Variants in FAF1 observed in about 807,000 individuals in gnomAD.
FAF1 encodes the protein Fas associated factor 1, also known as FAS-associated factor 1.
FAF1 carries 25 observed loss-of-function variants against 92.5 expected under a neutral mutation model. The observed-to-expected ratio is 0.27, with a 90% confidence interval of 0.20 to 0.38. FAF1 has a LOEUF of 0.38. Among genes scored for constraint, FAF1 ranks in the 10% least tolerant of loss-of-function variants. The pLI, the probability that FAF1 is intolerant of heterozygous loss-of-function variation, is 1.00. For missense variants in FAF1, 636 were observed against 793.3 expected (o/e 0.80, Z 2.38); for synonymous variants, 234 against 273.2 (o/e 0.86, Z 1.42).
intron 15 of FAF1, among the ~76,000 whole-genome samples, chr1:50,500,187 C>T (rs983335711): frequency 6.6e-6 from 1 of 151,920 alleles, no homozygotes; most frequent in Non-Finnish European, 1.5e-5. Flanking sequence ...TGCACAGGAC[C>T]TACAATAGCC....
chr1:50,788,010 G>A lies in FAF1; in HGVS notation c.357C>T (p.Thr119=). 1 of 1,613,210 alleles carries A rather than the reference G, an allele frequency of 6.2e-7. No homozygotes were observed. Among genetic ancestry groups the A allele is most frequent in the Non-Finnish European group, 8.5e-7 (1 of 1,179,258 alleles). Residue 119 remains threonine, a synonymous_variant, in exon 4 of 19, where the codon ACC becomes ACT. Coordinates refer to ENST00000396153, the MANE Select transcript of FAF1 (RefSeq NM_007051.3). ...CAGGAAAAACCTTACCAACAGTACAGGTGTCTTCAAGTACCACATCAACAT... is the reference window on the plus strand; with the variant it reads ...CAGGAAAAACCTTACCAACAGTACAAGTGTCTTCAAGTACCACATCAACAT... The part of the protein sequence containing the change: ...DRNVDVVLED[T]CTVGEIKQIL...
intron 7 of FAF1, among the ~76,000 whole-genome samples, chr1:50,666,772 A>T (rs1199562148): frequency 1.3e-5 from 2 of 152,172 alleles, no homozygotes; most frequent in East Asian, 1.9e-4. Context: ...AATCCCAGCT[A>T]CTCGGGAGGC....
intron 8 of FAF1, among the ~76,000 whole-genome samples, chr1:50,596,567 A>G (rs1229501180): frequency 6.6e-6 from 1 of 152,200 alleles, no homozygotes; most frequent in Non-Finnish European, 1.5e-5. Context: ...CTAACTCCGA[A>G]GGCAGTAGGG....
chr1:50,906,796 T>C (rs978858997), intron 1 of FAF1, among the ~76,000 whole-genome samples: 1 of 152,198 alleles, frequency 6.6e-6, no homozygotes, highest in Admixed American at 6.5e-5. Flanking sequence ...CGATGGGGTT[T>C]TCTAAATACA....
intron 9 of FAF1, among the ~76,000 whole-genome samples, chr1:50,585,570 T>C (rs1651187074): frequency 6.6e-6 from 1 of 152,190 alleles, no homozygotes; most frequent in African/African-American, 2.4e-5. Flanking sequence ...ATAAAACTTT[T>C]GGACTGGGCT....
chr1:50,737,398 T>A (rs1659187223), intron 6 of FAF1, among the ~76,000 whole-genome samples: 1 of 152,216 alleles, frequency 6.6e-6, no homozygotes, highest in South Asian at 2.1e-4. Context: ...CTGTCTGCTT[T>A]TAATTATGTG....
intron 1 of FAF1, among the ~76,000 whole-genome samples, chr1:50,887,504 T>G (rs1644677654): frequency 6.6e-6 from 1 of 152,190 alleles, no homozygotes; most frequent in Non-Finnish European, 1.5e-5. Flanking sequence ...GTTTTTATGG[T>G]TTTAGGTCTA....
At chr1:50,468,751 G>A (rs568025098) in intron 18 of FAF1, among the ~76,000 whole-genome samples, 50 of 151,854 alleles carry the variant, frequency 3.3e-4, no homozygotes, top group Non-Finnish European at 6.6e-4. Context: ...GAGCCACCAC[G>A]CCCGGCCTAA....
intron 1 of FAF1, among the ~76,000 whole-genome samples, chr1:50,951,306 C>G (rs1221245489): frequency 2.6e-5 from 4 of 152,220 alleles, no homozygotes; most frequent in African/African-American, 9.6e-5. Context: ...TTTTCTGGGT[C>G]TCAATTTCCA....
intron 1 of FAF1, among the ~76,000 whole-genome samples, chr1:50,871,401 G>C (rs915858590): frequency 1.3e-5 from 2 of 152,224 alleles, no homozygotes; most frequent in African/African-American, 4.8e-5. Context: ...CAGCAAAAGA[G>C]AAGTCAATGC....
At chr1:50,549,518 G>A (rs1458679652) in intron 13 of FAF1, among the ~76,000 whole-genome samples, 1 of 152,010 alleles carries the variant, frequency 6.6e-6, no homozygotes, top group Admixed American at 6.5e-5. Context: ...GGTGGCTCAC[G>A]ACTGTACTCC....
At chr1:50,860,246 T>C (rs1031430935) in intron 1 of FAF1, among the ~76,000 whole-genome samples, 4 of 151,860 alleles carry the variant, frequency 2.6e-5, no homozygotes, top group Admixed American at 6.6e-5. Flanking sequence ...AAAACCAAAA[T>C]TGACAAGTTA....
chr1:50,644,619 C>G (rs564628074), intron 8 of FAF1, among the ~76,000 whole-genome samples: 1 of 152,328 alleles, frequency 6.6e-6, no homozygotes, highest in South Asian at 2.1e-4. Context: ...TTTACTTTCC[C>G]TTTCCTGCTA....
At chr1:50,755,011 G>A (rs765700075) in intron 4 of FAF1, among the ~76,000 whole-genome samples, 19 of 152,034 alleles carry the variant, frequency 1.2e-4, no homozygotes, top group Non-Finnish European at 2.6e-4. Context: ...ATGAGATTTG[G>A]GTGGGGACAC....
intron 4 of FAF1, among the ~76,000 whole-genome samples, chr1:50,757,677 G>A (rs543766571): frequency 4.6e-5 from 7 of 151,682 alleles, no homozygotes; most frequent in Non-Finnish European, 8.8e-5. Flanking sequence ...TCATACAAAC[G>A]GGTTTCCCTT....
chr1:50,755,943 C>G (rs12076316), intron 4 of FAF1, among the ~76,000 whole-genome samples: 14 of 152,158 alleles, frequency 9.2e-5, no homozygotes, highest in Non-Finnish European at 1.5e-5. Context: ...GTCCAGCCCA[C>G]GAAACCACTT....
rs1432385982 is a variant in FAF1 at position 50,582,533 on chromosome 1, CAG to C, written c.1113+83_1113+84del. The C allele has an allele frequency of 3.5e-6, 3 of 861,620 alleles. No homozygotes were observed. The Admixed American group carries it at 6.7e-5, about 19-fold the overall frequency. 53.4% of individuals were successfully genotyped at this position (861,620 alleles called of 1,614,324 possible). On this transcript the variant is annotated intron_variant, in intron 12 of 18. Coordinates refer to ENST00000396153, the MANE Select transcript of FAF1 (RefSeq NM_007051.3). ...TTTTGGAAAAAAACAAAAACAAAAA[CAG>C]AAAACATTTAAGCATTGCCTCAGCC...
At position 50,596,150 on chromosome 1, in the gene FAF1, G is replaced by T; in HGVS notation, c.811C>A (p.Pro271Thr). 6.2e-7 allele frequency: 1 copy of T among 1,613,902 alleles called. No individual in the cohort carries two copies. Among genetic ancestry groups the T allele is most frequent in the South Asian group, 1.1e-5 (1 of 91,062 alleles). ...TCCGACTGTTCCCGGGTCTGTGCAG[G>T]TGAAGATCTTCTTCCCACTGTAAGT... is the stretch of plus-strand genomic sequence containing the variant. The part of the protein sequence containing the change: ...HRLTVGRRSS[P>T]AQTREQSEEQ... The change falls in exon 9 of 19, where the codon CCT becomes ACT. Residue 271 changes from proline (P) to threonine (T), a missense_variant. Physicochemically the swap from Pro to Thr is conservative, Grantham distance 38. This residue lies in a region of FAF1 where 317 missense variants were observed against 342.4 expected (regional missense o/e 0.93). Coordinates refer to ENST00000396153, the MANE Select transcript of FAF1 (RefSeq NM_007051.3).
intron 18 of FAF1, among the ~76,000 whole-genome samples, chr1:50,473,411 A>G (rs1000868722): frequency 6.6e-6 from 1 of 152,190 alleles, no homozygotes; most frequent in African/African-American, 2.4e-5. Context: ...ACCCGTTCAG[A>G]AAGGGAGTGA....
Sources: gnomAD v4.1 joint callset for allele counts (sites outside exome capture counted in the v4.1 genomes callset) on GRCh38, gnomAD v4.1.1 for gene constraint, gnomAD v4.1.1 regional missense constraint, MANE v1.5 for transcripts, NCBI Gene and HGNC (gene_info 2026-07-23, HGNC 2026-07-21) for gene names.